The following QPCTL variants were observed in gnomAD, a reference collection of about 807,000 sequenced individuals.
QPCTL encodes the protein glutaminyl-peptide cyclotransferase like.
Under a neutral mutation model 34.6 loss-of-function variants are expected in QPCTL, and 31 were observed. The observed-to-expected ratio is 0.90, with a 90% CI of 0.67 to 1.21. The LOEUF (loss-of-function observed/expected upper bound fraction) is 1.21. QPCTL is among the 50% of genes most tolerant of loss of function. QPCTL has a pLI of 0.00. For missense variants in QPCTL, 474 were observed against 507.8 expected, an observed-to-expected ratio of 0.93 and a Z score of 0.64; for synonymous variants, 223 against 226.9, an observed-to-expected ratio of 0.98 and a Z score of 0.15.
Position 45,695,455 on chromosome 19 carries a change from C to G in QPCTL, c.370C>G (p.Arg124Gly). The change falls in exon 3 of 7, where the codon CGG becomes GGG. Residue 124 changes from arginine (R) to glycine (G), a missense_variant. Arg to Gly is a moderately radical substitution (Grantham distance 125, BLOSUM62 -2). Transcript: ENST00000012049. ...QVRKFLEATL[R>G]SLTAGWHVEL... ...CCGCTAGTTCCTGGAGGCCACGCTG[C>G]GGTCCCTGACAGCAGGTTGGCACGT... 6.2e-7 allele frequency: 1 copy of G among 1,612,536 alleles called. No individual in the cohort carries two copies.
chr19:45,698,594 G>A lies in QPCTL; in HGVS notation c.681G>A (p.Ala227=), dbSNP rs1378780559. The A allele has an allele frequency of 8.7e-6, 14 of 1,614,030 alleles. No homozygotes were observed. The highest frequency in any genetic ancestry group is 1.3e-5 in the African/African-American group (1 of 74,936). Residue 227 remains alanine (A), a synonymous_variant, in exon 4 of 7, where the codon GCG becomes GCA. Coordinates refer to ENST00000012049, the MANE Select transcript of QPCTL (RefSeq NM_017659.4). The stretch of plus-strand genomic sequence containing the variant: ...TGCTCTTCTTGGATGGTGAAGAGGC[G>A]CTGAAGGAGTGGGGACCCAAGGACT... ...LQLLFLDGEE[A]LKEWGPKDSL... is the part of the protein sequence containing the mutation.
intron 5 of QPCTL, 125 bp downstream of exon 5, chr19:45,699,025 C>T (rs989549099): frequency 2.3e-4 from 155 of 663,286 alleles, no homozygotes; most frequent in Middle Eastern, 4.3e-4. Context: ...CATAGGGAGA[C>T]CCCATCTTTT....
intron 6 of QPCTL, among the ~76,000 whole-genome samples, chr19:45,702,122 T>G (rs886388089): frequency 6.6e-6 from 1 of 152,056 alleles, no homozygotes; most frequent in Non-Finnish European, 1.5e-5. Flanking sequence ...GTAAAGACCT[T>G]ACTTGGACCA....
rs758033266 is a variant in QPCTL, at chr19:45,698,613, A to G, written c.700A>G (p.Lys234Glu). The G allele has an allele frequency of 6.2e-7, 1 of 1,614,060 alleles. No homozygotes were observed. The highest frequency in any genetic ancestry group is 8.5e-7 in the Non-Finnish European group (1 of 1,179,986). Residue 234 changes from lysine to glutamate, a missense_variant, in exon 4 of 7, where the codon AAG (lysine) becomes GAG (glutamate). By Grantham distance (56) the Lys-to-Glu change is moderately conservative (BLOSUM62 1). Transcript: ENST00000012049. ...GEEALKEWGP[K>E]DSLYGSRHLA... ...AGAGGCGCTGAAGGAGTGGGGACCCAAGGACTCCCTTTACGGTTCCCGGCA... is the reference window on the plus strand; with the variant it reads ...AGAGGCGCTGAAGGAGTGGGGACCCGAGGACTCCCTTTACGGTTCCCGGCA...
At chr19:45,694,789 T>C (rs1967659183) in intron 2 of QPCTL, among the ~76,000 whole-genome samples, 1 of 151,912 alleles carries the variant, frequency 6.6e-6, no homozygotes, top group South Asian at 2.1e-4. Flanking sequence ...TCTTAACCTC[T>C]CTGAGCCCAT....
At position 45,695,540 on chromosome 19, in the gene QPCTL, TG is replaced by T. The variant is rs1483061705; in HGVS notation, c.457del (p.Ala153ProfsTer30). On this transcript the variant is annotated frameshift_variant, in exon 3 of 7. Transcript: ENST00000012049. LOFTEE classifies it high-confidence loss of function. Reference protein sequence around the residue: ...PLGPVDFGNVVATLDPRAARH... With the variant: ...PLGPVDFGNVXATLDPRAARH... ...GGGCCAGTGGACTTTGGCAATGTGG[TG>T]GCCACACTGGACCCAAGGGCTGCCC... is the stretch of plus-strand genomic sequence containing the variant. 6.2e-7 allele frequency: 1 copy of T among 1,614,026 alleles called. No homozygotes were observed. Among genetic ancestry groups the T allele is most frequent in the Non-Finnish European group, 8.5e-7 (1 of 1,180,032 alleles).
chr19:45,701,110 A>G (rs980643407), intron 5 of QPCTL, among the ~76,000 whole-genome samples: 6 of 107,426 alleles, frequency 5.6e-5, no homozygotes, highest in Admixed American at 1.9e-4. Flanking sequence ...TTCTACACAC[A>G]CGCGCACACA....
Position 45,698,715 on chromosome 19 carries a change from C to A in QPCTL, c.786+16C>A, listed in dbSNP as rs778021508. ...CCAGGCTATTGTAAGACCAGGGTCC[C>A]CTGGCTTCTGGCGAGGGAGGGAGCA... is the stretch of plus-strand genomic sequence containing the variant. On this transcript the variant is annotated intron_variant, in intron 4 of 6. Transcript: ENST00000012049. The A allele has an allele frequency of 1.3e-5, 21 of 1,613,792 alleles. No individual in the cohort carries two copies. The Admixed American group carries it at 3.5e-4, about 27-fold the overall frequency.
rs1488084000 is a variant in QPCTL, at chr19:45,692,815, CTG to C, written c.114_115del (p.Leu39AlafsTer21). ...RLLPRVRLLPLLLALAVGSAF... is the reference protein window; with the variant it reads ...RLLPRVRLLPXLLALAVGSAF... ...GCTACCGCGGGTTCGGCTCTTGCCT[CTG>C]TTGCTGGCGCTGGCCGTGGGCTCGG... On this transcript the variant is annotated frameshift_variant, in exon 1 of 7. Transcript: ENST00000012049. LOFTEE classifies it high-confidence loss of function. 6.3e-7 allele frequency: 1 copy of C among 1,575,460 alleles called. No individual in the cohort carries two copies. Among genetic ancestry groups the C allele is most frequent in the African/African-American group, 1.3e-5 (1 of 74,346 alleles).
At position 45,693,522 on chromosome 19, in the gene QPCTL, C is replaced by T. The variant is rs780013136; in HGVS notation, c.317C>T (p.Thr106Ile). 7 of 1,612,274 alleles carry T rather than the reference C, an allele frequency of 4.3e-6. No homozygotes were observed. In the Admixed American group the frequency reaches 5.0e-5, roughly 12 times the overall value. ...TYLRPLLVVR[T>I]PGSPGNLQVR... is the part of the protein sequence containing the mutation. Reference sequence around the variant, plus strand: ...CTGCGCCCCCTGCTGGTTGTGCGAACCCCGGGCAGCCCGGGAAATCTCCAA... The same window carrying T: ...CTGCGCCCCCTGCTGGTTGTGCGAATCCCGGGCAGCCCGGGAAATCTCCAA... The change falls in exon 2 of 7, where the codon ACC becomes ATC. Residue 106 changes from threonine (T) to isoleucine (I), a missense_variant. By Grantham distance (89) the Thr-to-Ile change is moderately conservative. Coordinates refer to ENST00000012049, the MANE Select transcript of QPCTL (RefSeq NM_017659.4).
intron 5 of QPCTL, among the ~76,000 whole-genome samples, chr19:45,701,088 G>A (rs1183897619): frequency 1.3e-5 from 2 of 149,712 alleles, no homozygotes; most frequent in East Asian, 3.9e-4. Context: ...GGGCAACACA[G>A]GAAGATCCCA....
At chr19:45,693,852 T>C (rs1333801217) in intron 2 of QPCTL, among the ~76,000 whole-genome samples, 3 of 152,186 alleles carry the variant, frequency 2.0e-5, no homozygotes, top group African/African-American at 7.2e-5. Context: ...TTATACACAT[T>C]GCACAAATCC....
At chr19:45,698,241 T>A (rs1332902337) in intron 3 of QPCTL, among the ~76,000 whole-genome samples, 1 of 151,606 alleles carries the variant, frequency 6.6e-6, no homozygotes, top group Non-Finnish European at 1.5e-5. Flanking sequence ...CAGAGCAAGA[T>A]TTATTCTAAA....
chr19:45,701,686 T>C (rs1967814019), intron 5 of QPCTL, 112 bp from the exon 6 acceptor site: 5 of 771,258 alleles, frequency 6.5e-6, no homozygotes, highest in Non-Finnish European at 8.6e-6. Flanking sequence ...TTCACTCTTG[T>C]TGGGCTGACC....
At chr19:45,700,828 G>A (rs909373844) in intron 5 of QPCTL, among the ~76,000 whole-genome samples, 10 of 151,886 alleles carry the variant, frequency 6.6e-5, no homozygotes, top group South Asian at 2.1e-4. Flanking sequence ...GTGTGGTGGT[G>A]GGCGCCTGTA....
intron 5 of QPCTL, among the ~76,000 whole-genome samples, chr19:45,700,033 C>T (rs1251055933): frequency 6.7e-6 from 1 of 148,300 alleles, no homozygotes; most frequent in Non-Finnish European, 1.5e-5. Context: ...TCTGGGAGGT[C>T]GAGGCTGCAG....
chr19:45,701,139 C>G (rs903739896), intron 5 of QPCTL, among the ~76,000 whole-genome samples: 1 of 151,096 alleles, frequency 6.6e-6, no homozygotes, highest in East Asian at 2.0e-4. Flanking sequence ...CACACAATTA[C>G]CCAGGCATGG....
chr19:45,698,551 C>G lies in QPCTL; in HGVS notation c.638C>G (p.Ala213Gly), dbSNP rs961339812. The part of the protein sequence containing the change: ...LELSRAKKQA[A>G]PVTLQLLFLD... ...ACCCCCCTGCTGCTCCCACAGGCAGCCCCGGTGACCCTGCAACTGCTCTTC... is the reference window on the plus strand; with the variant it reads ...ACCCCCCTGCTGCTCCCACAGGCAGGCCCGGTGACCCTGCAACTGCTCTTC... Residue 213 changes from alanine to glycine, a missense_variant, in exon 4 of 7, where the codon GCC becomes GGC. Ala to Gly is a moderately conservative substitution (Grantham distance 60). Transcript: ENST00000012049. 1 of 1,613,726 alleles carries G rather than the reference C, an allele frequency of 6.2e-7. No individual in the cohort carries two copies.
chr19:45,701,187 A>G (rs901714818), intron 5 of QPCTL, among the ~76,000 whole-genome samples: 1 of 152,038 alleles, frequency 6.6e-6, no homozygotes, highest in African/African-American at 2.4e-5. Flanking sequence ...TGGGAGGCTG[A>G]GACTGAAGGA....
Sources: allele counts gnomAD v4.1 joint callset (sites outside exome capture counted in the v4.1 genomes callset), GRCh38; gene constraint gnomAD v4.1.1; transcripts MANE v1.5; gene names NCBI Gene and HGNC (gene_info 2026-07-23, HGNC 2026-07-21).